The following KLRG1 variants were observed in gnomAD, a reference collection of about 807,000 sequenced individuals.
KLRG1 encodes killer cell lectin like receptor G1.
KLRG1 carries 16 observed loss-of-function variants against 21.8 expected under a neutral mutation model. That is an observed-to-expected ratio of 0.73 (90% CI 0.50 to 1.11). The LOEUF is 1.11. Ranked by LOEUF, KLRG1 falls within the 50% of genes most tolerant of loss-of-function variation. The pLI, the probability that KLRG1 is intolerant of heterozygous loss-of-function variation, is 0.00. For synonymous variants in KLRG1, 69 were observed against 75.9 expected, an observed-to-expected ratio of 0.91 and a Z score of 0.47; for missense variants, 173 against 218.3, an observed-to-expected ratio of 0.79 and a Z score of 1.31.
At chr12:9,153,171 C>T in the KLRG1 span, 1 of 1,614,192 alleles carries the variant, frequency 6.2e-7, no homozygotes, top group South Asian at 1.1e-5. Context: ...GACATATTCT[C>T]CAGGGAGCTC....
chr12:9,177,989 G>T, the KLRG1 span, among the ~76,000 whole-genome samples: 1 of 152,152 alleles, frequency 6.6e-6, no homozygotes, highest in Non-Finnish European at 1.5e-5. Context: ...TTAACTTCTT[G>T]TTGTTTCTTC....
chr12:9,110,364 A>G, the KLRG1 span: 1 of 1,323,784 alleles, frequency 7.6e-7, no homozygotes, highest in Non-Finnish European at 1.0e-6. Flanking sequence ...AGAAGTTTAT[A>G]ATTATTTTCA....
the KLRG1 span, among the ~76,000 whole-genome samples, chr12:9,171,576 A>G: frequency 4.6e-5 from 7 of 152,180 alleles, no homozygotes; most frequent in Non-Finnish European, 1.0e-4. Flanking sequence ...CCCAATGAAA[A>G]GAAGCTGAGA....
the KLRG1 span, chr12:9,157,809 G>A: frequency 1.9e-6 from 3 of 1,614,112 alleles, no homozygotes; most frequent in Non-Finnish European, 2.5e-6. Context: ...TAGTAACATA[G>A]GCGGAGAGGG....
the KLRG1 span, chr12:9,079,202 C>T: frequency 3.4e-6 from 5 of 1,490,024 alleles, no homozygotes; most frequent in Non-Finnish European, 4.7e-6. Context: ...TGTAAAAGAG[C>T]TGGCACACAA....
the KLRG1 span, chr12:9,202,743 C>A: frequency 6.7e-7 from 1 of 1,494,606 alleles, no homozygotes; most frequent in South Asian, 1.2e-5. Context: ...CCTCTGCATT[C>A]TTCAGTCATT....
the KLRG1 span, chr12:9,093,408 T>G: frequency 8.3e-7 from 1 of 1,198,602 alleles, no homozygotes; most frequent in South Asian, 1.3e-5. Flanking sequence ...TAGCAAAGAG[T>G]TGAAAATAGT....
the KLRG1 span, among the ~76,000 whole-genome samples, chr12:9,035,394 C>T: frequency 6.6e-6 from 1 of 151,532 alleles, no homozygotes; most frequent in African/African-American, 2.4e-5. Flanking sequence ...GGGAGTCGAA[C>T]AATGAGAACA....
At chr12:9,166,177 T>G in the KLRG1 span, 1 of 1,613,572 alleles carries the variant, frequency 6.2e-7, no homozygotes, top group Non-Finnish European at 8.5e-7. Context: ...GAGGAACATA[T>G]GGTCTCTCTA....
the KLRG1 span, among the ~76,000 whole-genome samples, chr12:9,016,490 G>C: frequency 1.3e-5 from 2 of 152,148 alleles, no homozygotes; most frequent in Admixed American, 1.3e-4. Context: ...CCAATAACAG[G>C]TAATGAGGTT....
At chr12:8,955,575 A>G (rs777632597) in intron 1 of KLRG1, among the ~76,000 whole-genome samples, 1 of 151,070 alleles carries the variant, frequency 6.6e-6, no homozygotes, top group African/African-American at 2.4e-5. Flanking sequence ...TATTTTTTGT[A>G]GAGATGAGGT....
the KLRG1 span, among the ~76,000 whole-genome samples, chr12:9,142,668 G>A: frequency 3.3e-5 from 5 of 152,164 alleles, no homozygotes; most frequent in Non-Finnish European, 7.3e-5. Flanking sequence ...AGAAAATCCA[G>A]TAGTTATAAG....
chr12:9,077,280 A>G, the KLRG1 span: 1 of 1,403,212 alleles, frequency 7.1e-7, no homozygotes, highest in Non-Finnish European at 1.0e-6. Context: ...AGTATTTCAG[A>G]CAGCAGGTCA....
chr12:9,091,771 C>A, the KLRG1 span, among the ~76,000 whole-genome samples: 3,428 of 152,224 alleles, frequency 0.023, 48 homozygotes, highest in South Asian at 0.041. Context: ...GTATAGTGGG[C>A]CTGACTGAAT....
chr12:8,971,248 C>CA (rs1565538924), intron 1 of KLRG1: 2 of 144,064 alleles, frequency 1.4e-5, no homozygotes, highest in Non-Finnish European at 1.5e-5. Context: ...TTAACCAATT[C>CA]TTTTTTTTTT....
chr12:9,153,327 A>G, the KLRG1 span: 5 of 1,613,244 alleles, frequency 3.1e-6, no homozygotes, highest in Non-Finnish European at 4.2e-6. Flanking sequence ...CAGGGCATGG[A>G]GAGCCACCAC....
chr12:9,191,597 T>C, the KLRG1 span, among the ~76,000 whole-genome samples: 4 of 152,080 alleles, frequency 2.6e-5, no homozygotes. Context: ...AAGTTTAGCT[T>C]AGGGGTGTGG....
chr12:9,018,159 A>G, the KLRG1 span, among the ~76,000 whole-genome samples: 5 of 152,228 alleles, frequency 3.3e-5, no homozygotes, highest in African/African-American at 7.2e-5. Context: ...TGGAAAAATC[A>G]ACACTATTAA....
chr12:9,079,970 C>A, the KLRG1 span: 1 of 950,880 alleles, frequency 1.1e-6, no homozygotes. Flanking sequence ...AATAAACAAG[C>A]CCAAAGAAGA....
Sources: allele counts gnomAD v4.1 joint callset (sites outside exome capture counted in the v4.1 genomes callset), GRCh38; gene constraint gnomAD v4.1.1; transcripts MANE v1.5; gene names NCBI Gene and HGNC (gene_info 2026-07-23, HGNC 2026-07-21).